GABRA5: variants seen among roughly 807,000 people sequenced by gnomAD.
GABRA5 encodes gamma-aminobutyric acid type A receptor subunit alpha5, also known as gamma-aminobutyric acid receptor subunit alpha-5.
In GABRA5, 18 loss-of-function variants were observed where a neutral mutation model predicts 47.3. That is an observed-to-expected ratio of 0.38 (90% CI 0.26 to 0.56). GABRA5 has a LOEUF of 0.56. GABRA5 is among the 20% of genes least tolerant of loss of function. The probability of loss-of-function intolerance (pLI) is 0.71; values close to 1 mark genes in which losing one functional copy is unlikely to be tolerated. For missense variants in GABRA5, 365 were observed against 599.3 expected (o/e 0.61, Z 4.08); for synonymous variants, 237 against 229.3 (o/e 1.03, Z -0.30).
At chr15:26,885,832 C>T (rs1208320100) in intron 6 of GABRA5, among the ~76,000 whole-genome samples, 2 of 152,196 alleles carry the variant, frequency 1.3e-5, no homozygotes, top group South Asian at 2.1e-4. Flanking sequence ...TAGGGGTTCA[C>T]GTAGGGCTGG....
chr15:26,939,827 A>G lies in GABRA5; in HGVS notation c.725-98A>G, dbSNP rs1389129738. On this transcript the variant is annotated intron_variant, in intron 8 of 10. Coordinates refer to ENST00000335625, the MANE Select transcript of GABRA5 (RefSeq NM_000810.4). ...ATCATACAAATGAATGCTTGTCCAAACCGACAGGGGAGTGGAAGGGAGGCT... is the reference window on the plus strand; with the variant it reads ...ATCATACAAATGAATGCTTGTCCAAGCCGACAGGGGAGTGGAAGGGAGGCT... 5 of 1,230,180 alleles carry G rather than the reference A, an allele frequency of 4.1e-6. No homozygotes were observed. The African/African-American group carries it at 5.9e-5, about 15-fold the overall frequency. The allele number at this position is 1,230,180 out of a possible 1,614,324, so 76.2% of individuals were successfully genotyped here.
At chr15:26,919,591 A>G (rs1893796039) in intron 7 of GABRA5, among the ~76,000 whole-genome samples, 1 of 151,958 alleles carries the variant, frequency 6.6e-6, no homozygotes, top group Admixed American at 6.5e-5. Context: ...AATTATTTCT[A>G]ATACTTTTGC....
intron 6 of GABRA5, among the ~76,000 whole-genome samples, chr15:26,891,777 C>T (rs140440256): frequency 0.011 from 1,728 of 152,326 alleles, 41 homozygotes; most frequent in African/African-American, 0.039. Context: ...ACCGCGCTTC[C>T]GGACACCAGA....
chr15:26,931,831 C>G (rs922815143), intron 7 of GABRA5, among the ~76,000 whole-genome samples: 1 of 152,104 alleles, frequency 6.6e-6, no homozygotes, highest in Non-Finnish European at 1.5e-5. Flanking sequence ...AAAGGAGAAG[C>G]CTCATCTGGG....
rs180894232 is a variant in GABRA5 at position 26,878,558 on chromosome 15, A to C, written c.87-2288A>C. Among the ~76,000 whole-genome samples, 262 of 152,284 alleles carry C rather than the reference A, an allele frequency of 1.7e-3. 1 individual carries two copies. Among genetic ancestry groups the C allele is most frequent in the African/African-American group, 6.1e-3 (253 of 41,556 alleles). Reference sequence around the variant, plus strand: ...CTCCTACCCCGATAGGCATCATCAGAGCTTTTTAAGAATCTGTTTCTTCCC... The same window carrying C: ...CTCCTACCCCGATAGGCATCATCAGCGCTTTTTAAGAATCTGTTTCTTCCC... On this transcript the variant is annotated intron_variant, in intron 3 of 10. Transcript: ENST00000335625.
chr15:26,949,145 G>T lies in GABRA5; in HGVS notation c.*912G>T, dbSNP rs548946746. Reference sequence around the variant, plus strand: ...ATTTCATGACTGGACTTACTGCTCTGTCAGCTTTTGTATATGAATCTTAAA... The same window carrying T: ...ATTTCATGACTGGACTTACTGCTCTTTCAGCTTTTGTATATGAATCTTAAA... On this transcript the variant is annotated 3_prime_UTR_variant, in exon 11 of 11. Transcript: ENST00000335625. The T allele has an allele frequency of 3.3e-5, 5 of 151,446 alleles. No individual in the cohort carries two copies. The East Asian group carries it at 9.7e-4, about 29-fold the overall frequency. The allele number at this position is 151,446 out of a possible 1,614,324, so 9.4% of individuals were successfully genotyped here.
chr15:26,895,742 G>A (rs1426824615), intron 6 of GABRA5, among the ~76,000 whole-genome samples: 1 of 150,466 alleles, frequency 6.6e-6, no homozygotes, highest in Non-Finnish European at 1.5e-5. Context: ...GAACCCGGGA[G>A]GCGGAGGTTG....
At chr15:26,912,680 T>G (rs141271297) in intron 6 of GABRA5, among the ~76,000 whole-genome samples, 1 of 152,318 alleles carries the variant, frequency 6.6e-6, no homozygotes, top group East Asian at 1.9e-4. Flanking sequence ...TTCAATGTCA[T>G]GATTATATAA....
Position 26,880,979 on chromosome 15 carries a change from C to T in GABRA5, c.208+12C>T, listed in dbSNP as rs530591243. 1 of 1,613,342 alleles carries T rather than the reference C, an allele frequency of 6.2e-7. No individual in the cohort carries two copies. The highest frequency in any genetic ancestry group is 2.2e-5 in the East Asian group (1 of 44,864). ...GCCCGGGCTGGGAGGTGAGTGTGCT[C>T]TCCTCAGCTGAGCCCAGCAAGGATC... On this transcript the variant is annotated intron_variant, in intron 4 of 10. Transcript: ENST00000335625.
intron 8 of GABRA5, chr15:26,939,291 GC>G (rs763479951): frequency 3.9e-6 from 3 of 765,322 alleles, no homozygotes; most frequent in Non-Finnish European, 7.2e-6. Flanking sequence ...GTCTCCTCGT[GC>G]CTCCCACACA....
intron 6 of GABRA5, among the ~76,000 whole-genome samples, chr15:26,904,737 G>A (rs1373977132): frequency 6.6e-6 from 1 of 152,094 alleles, no homozygotes; most frequent in Non-Finnish European, 1.5e-5. Flanking sequence ...TCATGAATGG[G>A]ATTACATTCC....
intron 7 of GABRA5, among the ~76,000 whole-genome samples, chr15:26,936,122 CTCTT>C (rs1479730219): frequency 6.6e-6 from 1 of 152,188 alleles, no homozygotes; most frequent in Non-Finnish European, 1.5e-5. Flanking sequence ...CACTCATTCT[CTCTT>C]CTGCCACCCT....
In GABRA5 at chr15:26,941,296, A is replaced by G. The variant is rs188746608; in HGVS notation, c.877+1219A>G. 9.2e-5 allele frequency among the ~76,000 whole-genome samples: 14 copies of G among 152,164 alleles called. No individual in the cohort carries two copies. In the East Asian group the frequency reaches 2.7e-3, roughly 29 times the overall value. ...AAAAGCTGGGAGGGTATTGCCTGTT[A>G]TTGTTGGGTTTTTTGGCGGGGGGTG... On this transcript the variant is annotated intron_variant, in intron 9 of 10. Coordinates refer to ENST00000335625, the MANE Select transcript of GABRA5 (RefSeq NM_000810.4).
rs1387040936 is a variant in GABRA5, at chr15:26,867,603, A to G, written c.-140+492A>G. Among the ~76,000 whole-genome samples, 3 of 151,772 alleles carry G rather than the reference A, an allele frequency of 2.0e-5. No homozygotes were observed. Among genetic ancestry groups the G allele is most frequent in the Admixed American group, 1.3e-4 (2 of 15,254 alleles). On this transcript the variant is annotated intron_variant, in intron 1 of 10. Transcript: ENST00000335625. This position sits in a 1 kb window ranked among gnomAD's most constrained non-coding sequence, Gnocchi z 5.9. ...GCGGGGCTGAAGCCGGGCGCGGGAG[A>G]GAGCGGGGTCCGGGCGGCTCATCCC...
chr15:26,872,926 GTTC>G (rs1892508100), intron 3 of GABRA5, among the ~76,000 whole-genome samples: 1 of 152,188 alleles, frequency 6.6e-6, no homozygotes, highest in Admixed American at 6.5e-5. Flanking sequence ...ATACATGAGT[GTTC>G]TTCTCCTTCT....
rs752954476 is a variant in GABRA5, at chr15:26,883,381, A to G, written c.321A>G (p.Glu107=). ...TTTTCCGACAAAGCTGGAAAGATGA[A>G]AGGCTTCGGTTTAAGGGGCCCATGC... ...DVFFRQSWKD[E]RLRFKGPMQR... The change falls in exon 6 of 11, where the codon GAA becomes GAG. Residue 107 remains glutamate, a synonymous_variant. Transcript: ENST00000335625. The surrounding 1 kb of genome is among the most constrained non-coding windows in gnomAD (Gnocchi z 4.8). 3.7e-6 allele frequency: 6 copies of G among 1,613,864 alleles called. No homozygotes were observed. In the Admixed American group the frequency reaches 1.0e-4, roughly 27 times the overall value.
intron 7 of GABRA5, among the ~76,000 whole-genome samples, chr15:26,931,070 A>AT (rs200467674): frequency 0.015 from 2,221 of 150,784 alleles, 40 homozygotes; most frequent in African/African-American, 0.052. Context: ...TAATTTTTGT[A>AT]TTTTTTTTGG....
chr15:26,873,957 A>C (rs979382152), intron 3 of GABRA5, among the ~76,000 whole-genome samples: 19 of 152,186 alleles, frequency 1.2e-4, no homozygotes, highest in African/African-American at 4.6e-4. Flanking sequence ...CAAAGTAAAT[A>C]ATTCTCAGTT....
At chr15:26,904,926 C>CTT in intron 6 of GABRA5, among the ~76,000 whole-genome samples, 1 of 152,118 alleles carries the variant, frequency 6.6e-6, no homozygotes, top group Non-Finnish European at 1.5e-5. Context: ...GACTTCCTTG[C>CTT]TTCCTATTAG....
Sources: allele counts gnomAD v4.1 joint callset (sites outside exome capture counted in the v4.1 genomes callset), GRCh38; gene constraint gnomAD v4.1.1; non-coding constraint Gnocchi (gnomAD v3.1); transcripts MANE v1.5; gene names NCBI Gene and HGNC (gene_info 2026-07-23, HGNC 2026-07-21).